Variants in RBFOX1 observed in about 807,000 individuals in gnomAD.
RBFOX1 encodes RNA binding fox-1 homolog 1, also known as RNA binding protein fox-1 homolog 1.
Under a neutral mutation model 57.7 loss-of-function variants are expected in RBFOX1, and 8 were observed. The ratio of observed to expected loss-of-function variants is 0.14; its 90% CI spans 0.08 to 0.25. The LOEUF (loss-of-function observed/expected upper bound fraction) is 0.25, where lower values mean the gene tolerates loss of function less well. RBFOX1 is among the 10% of genes least tolerant of loss of function. The probability of loss-of-function intolerance (pLI) is 1.00; values close to 1 mark genes in which losing one functional copy is unlikely to be tolerated. For missense variants in RBFOX1, 611 were observed against 548.5 expected, an observed-to-expected ratio of 1.11 and a Z score of -1.14; for synonymous variants, 326 against 222.4, an observed-to-expected ratio of 1.47 and a Z score of -4.15.
At chr16:5,680,407 G>A (rs61172266) in intron 3 of RBFOX1, among the ~76,000 whole-genome samples, 3 of 152,058 alleles carry the variant, frequency 2.0e-5, no homozygotes. Context: ...ATCCATGGGG[G>A]CTGAGGCAGG....
chr16:5,823,984 G>T (rs1597389036), intron 3 of RBFOX1, among the ~76,000 whole-genome samples: 1 of 152,150 alleles, frequency 6.6e-6, no homozygotes, highest in Non-Finnish European at 1.5e-5. Flanking sequence ...TGCCAAAAAG[G>T]CTGGGAACCA....
intron 4 of RBFOX1, among the ~76,000 whole-genome samples, chr16:7,244,247 C>CAAAAA (rs60054791): frequency 2.8e-4 from 28 of 99,224 alleles, no homozygotes; most frequent in African/African-American, 8.5e-4. Flanking sequence ...CAAAGTATTC[C>CAAAAA]AAAAAAAAAA....
chr16:6,030,200 T>C (rs1431046718), intron 1 of RBFOX1, among the ~76,000 whole-genome samples: 3 of 152,254 alleles, frequency 2.0e-5, no homozygotes, highest in East Asian at 3.9e-4. Flanking sequence ...ATTACAGGCA[T>C]GAGCCACTAT....
chr16:5,667,796 C>A (rs12927949), intron 3 of RBFOX1, among the ~76,000 whole-genome samples: 4 of 152,028 alleles, frequency 2.6e-5, no homozygotes, highest in Non-Finnish European at 4.4e-5. Flanking sequence ...ACTAAATAAC[C>A]CCTTTATCAT....
chr16:6,814,653 T>C (rs1373641633), intron 3 of RBFOX1, among the ~76,000 whole-genome samples: 1 of 151,974 alleles, frequency 6.6e-6, no homozygotes, highest in Non-Finnish European at 1.5e-5. Context: ...ACAAAGAGGC[T>C]AAGGGGGAAG....
At chr16:5,995,580 G>A (rs1037499907) in intron 4 of RBFOX1, among the ~76,000 whole-genome samples, 3 of 152,204 alleles carry the variant, frequency 2.0e-5, no homozygotes, top group Non-Finnish European at 4.4e-5. Flanking sequence ...CTGTTGCTGT[G>A]AGGACTTAGC....
rs1318087358 is a variant in RBFOX1 at position 5,762,091 on chromosome 16, T to A, written c.319-105212T>A. Reference sequence around the variant, plus strand: ...AAAATGGATCTATTGTAAGAATAAATGAATTTTCCTGCAAAACCAATAGTA... The same window carrying A: ...AAAATGGATCTATTGTAAGAATAAAAGAATTTTCCTGCAAAACCAATAGTA... On this transcript the variant is annotated intron_variant, in intron 3 of 19. Coordinates refer to the RBFOX1 transcript ENST00000641259. 7.9e-5 allele frequency among the ~76,000 whole-genome samples: 12 copies of A among 152,126 alleles called. 1 individual carries two copies. The East Asian group carries it at 2.3e-3, about 29-fold the overall frequency.
At chr16:6,138,669 C>G (rs752660373) in intron 1 of RBFOX1, among the ~76,000 whole-genome samples, 1 of 152,126 alleles carries the variant, frequency 6.6e-6, no homozygotes, top group South Asian at 2.1e-4. Context: ...AGATCGACAC[C>G]ATCCTGGCTA....
chr16:7,016,171 G>A (rs765051234), intron 3 of RBFOX1, among the ~76,000 whole-genome samples: 8 of 152,100 alleles, frequency 5.3e-5, no homozygotes, highest in Non-Finnish European at 1.2e-4. Context: ...ATCCCTTGCC[G>A]CGGTGAATTT....
At chr16:7,684,811 G>A (rs763047214) in intron 14 of RBFOX1, among the ~76,000 whole-genome samples, 1 of 152,028 alleles carries the variant, frequency 6.6e-6, no homozygotes, top group South Asian at 2.1e-4. Flanking sequence ...CCCAGGTAGT[G>A]GGAGTGGAGG....
chr16:7,140,210 CAATTTGTCCATTTTCTGAATGGACAAATA>C (rs2073367278), intron 4 of RBFOX1, among the ~76,000 whole-genome samples: 1 of 141,434 alleles, frequency 7.1e-6, no homozygotes, highest in African/African-American at 2.6e-5. Context: ...TTCTCCCTCC[CAATTTGTCCATTTTCTGAATGGACAAATA>C]AATTTTGTCC....
chr16:6,870,030 C>A lies in RBFOX1; in HGVS notation c.-15-182027C>A, dbSNP rs745595791. ...TGCTGTGAGATCTATGCATATCTAT[C>A]TCTCAGCTGGCCCTACGAGTTTAAA... On this transcript the variant is annotated intron_variant, in intron 3 of 15. Coordinates refer to ENST00000550418, the MANE Select transcript of RBFOX1 (RefSeq NM_018723.4). 4.6e-5 allele frequency among the ~76,000 whole-genome samples: 7 copies of A among 152,134 alleles called. No individual in the cohort carries two copies. In the South Asian group the frequency reaches 1.4e-3, roughly 32 times the overall value.
intron 4 of RBFOX1, among the ~76,000 whole-genome samples, chr16:7,145,486 C>T (rs186911576): frequency 5.3e-5 from 8 of 152,272 alleles, no homozygotes; most frequent in East Asian, 1.9e-4. Flanking sequence ...AGATGAGAGG[C>T]GTGAGCCATC....
At chr16:5,856,185 C>CTATATATA (rs1222713846) in intron 3 of RBFOX1, among the ~76,000 whole-genome samples, 4 of 39,882 alleles carry the variant, frequency 1.0e-4, no homozygotes, top group Non-Finnish European at 1.7e-4. Context: ...CTCTCTCTCT[C>CTATATATA]TCTATATATA....
At chr16:5,840,012 G>T (rs1226838987) in intron 3 of RBFOX1, among the ~76,000 whole-genome samples, 1 of 152,200 alleles carries the variant, frequency 6.6e-6, no homozygotes, top group East Asian at 1.9e-4. Flanking sequence ...CTGTGTGCCA[G>T]AGGCTGTGCT....
rs1471872784 is a variant in RBFOX1, at chr16:5,593,399, G to A, written c.259-5503G>A. Among the ~76,000 whole-genome samples the A allele has an allele frequency of 2.6e-5, 4 of 152,246 alleles. No individual in the cohort carries two copies. The East Asian group carries it at 5.8e-4, about 22-fold the overall frequency. Reference sequence around the variant, plus strand: ...GAGAAATACCTAATGTAGATGATGGGTTGATGGGTGCAGCAAACCACCATG... The same window carrying A: ...GAGAAATACCTAATGTAGATGATGGATTGATGGGTGCAGCAAACCACCATG... On this transcript the variant is annotated intron_variant, in intron 2 of 2. Coordinates refer to the RBFOX1 transcript ENST00000585867.
At chr16:7,269,470 G>C (rs2095263887) in intron 4 of RBFOX1, among the ~76,000 whole-genome samples, 1 of 152,082 alleles carries the variant, frequency 6.6e-6, no homozygotes, top group South Asian at 2.1e-4. Flanking sequence ...GGGACAGAGA[G>C]AGAGAGAGGC....
chr16:6,879,418 G>T (rs1235082008), intron 3 of RBFOX1, among the ~76,000 whole-genome samples: 1 of 152,088 alleles, frequency 6.6e-6, no homozygotes, highest in African/African-American at 2.4e-5. Flanking sequence ...GTAATTATTA[G>T]AATTTTCCCT....
intron 1 of RBFOX1, among the ~76,000 whole-genome samples, chr16:5,409,446 CAAT>C (rs952296438): frequency 1.3e-4 from 20 of 152,338 alleles, no homozygotes; most frequent in African/African-American, 3.6e-4. Context: ...CTCTTAACAA[CAAT>C]GTCTTCTTGC....
Sources: gnomAD v4.1 joint callset for allele counts (sites outside exome capture counted in the v4.1 genomes callset) on GRCh38, gnomAD v4.1.1 for gene constraint, MANE v1.5 for transcripts, NCBI Gene and HGNC (gene_info 2026-07-23, HGNC 2026-07-21) for gene names.